Variants in BMPER observed in about 807,000 individuals in gnomAD.
BMPER encodes BMP-binding endothelial regulator protein.
Under a neutral mutation model 87.3 loss-of-function variants are expected in BMPER, and 45 were observed. That is an observed-to-expected ratio of 0.52 (90% CI 0.41 to 0.66). The LOEUF is 0.66. BMPER is among the 30% of genes least tolerant of loss of function. The pLI, the probability that BMPER is intolerant of heterozygous loss-of-function variation, is 0.00. For synonymous variants in BMPER, 326 were observed against 316.2 expected (o/e 1.03, Z -0.33); for missense variants, 784 against 867.5 (o/e 0.90, Z 1.21).
chr7:33,916,584 T>C (rs1784091298), intron 2 of BMPER, among the ~76,000 whole-genome samples: 1 of 152,262 alleles, frequency 6.6e-6, no homozygotes, highest in Admixed American at 6.5e-5. Context: ...ATGTGGGCCC[T>C]GCACATTCAT....
chr7:34,136,778 C>T (rs1290270235), intron 13 of BMPER, among the ~76,000 whole-genome samples: 1 of 152,216 alleles, frequency 6.6e-6, no homozygotes, highest in Non-Finnish European at 1.5e-5. Flanking sequence ...AGCTGAAGAC[C>T]CTTTGTGGTG....
chr7:33,974,561 A>G (rs775003740), intron 5 of BMPER, 141 bp from the exon 6 acceptor site: 27 of 843,870 alleles, frequency 3.2e-5, no homozygotes, highest in Non-Finnish European at 5.3e-5. Flanking sequence ...TCTTTTCACT[A>G]TGCAGCAATC....
intron 2 of BMPER, among the ~76,000 whole-genome samples, chr7:33,909,515 T>C (rs557124242): frequency 6.6e-6 from 1 of 151,974 alleles, no homozygotes; most frequent in South Asian, 2.1e-4. Context: ...GCAGGGAGCG[T>C]TAGTGGTTAG....
In BMPER at chr7:34,111,955, G is replaced by A. The variant is rs1019627961; in HGVS notation, c.1745+25863G>A. Among the ~76,000 whole-genome samples, 6 of 152,032 alleles carry A rather than the reference G, an allele frequency of 3.9e-5. No individual in the cohort carries two copies. In the East Asian group the frequency reaches 7.8e-4, roughly 20 times the overall value. On this transcript the variant is annotated intron_variant, in intron 13 of 14. Coordinates refer to ENST00000649409, the MANE Select transcript of BMPER (RefSeq NM_001365308.1). ...TCGAACTCCCGACCTCAGGTGATCC[G>A]CCTGCCTCGGCCTCCCAAAGTGCTG...
At position 33,909,783 on chromosome 7, in the gene BMPER, A is replaced by G. The variant is rs368621085; in HGVS notation, c.219+2880A>G. 7.2e-5 allele frequency among the ~76,000 whole-genome samples: 11 copies of G among 152,300 alleles called. No homozygotes were observed. The South Asian group carries it at 1.5e-3, about 20-fold the overall frequency. On this transcript the variant is annotated intron_variant, in intron 2 of 14. Transcript: ENST00000649409. ...AAATAGGTGGCACAAAGTCCTGTAT[A>G]TAATTACAGAGTAAAAGCTTAAAAA...
intron 6 of BMPER, among the ~76,000 whole-genome samples, chr7:34,018,687 C>T (rs775432234): frequency 5.9e-5 from 9 of 151,856 alleles, no homozygotes; most frequent in Non-Finnish European, 8.8e-5. Flanking sequence ...GACTTTATCA[C>T]GAATAATTCC....
At chr7:33,963,624 T>A (rs1785327962) in intron 3 of BMPER, among the ~76,000 whole-genome samples, 3 of 152,034 alleles carry the variant, frequency 2.0e-5, no homozygotes, top group Admixed American at 2.0e-4. Flanking sequence ...TGAAACCCTG[T>A]CTCTACTAAA....
At chr7:33,934,507 T>A (rs1398025057) in intron 2 of BMPER, among the ~76,000 whole-genome samples, 2 of 146,372 alleles carry the variant, frequency 1.4e-5, no homozygotes, top group Non-Finnish European at 3.0e-5. Flanking sequence ...GTTTGTTCTA[T>A]GTGTGTGTAC....
intron 13 of BMPER, among the ~76,000 whole-genome samples, chr7:34,101,595 G>A (rs1789683766): frequency 6.6e-6 from 1 of 152,216 alleles, no homozygotes; most frequent in South Asian, 2.1e-4. Flanking sequence ...GCCACAAGAG[G>A]CCAGTGAAAG....
At chr7:34,083,813 C>T (rs151161859) in intron 12 of BMPER, among the ~76,000 whole-genome samples, 1 of 152,100 alleles carries the variant, frequency 6.6e-6, no homozygotes, top group South Asian at 2.1e-4. Context: ...CCCTCCCACA[C>T]TCCCTCCCAC....
At chr7:34,114,012 T>C (rs150943243) in intron 13 of BMPER, among the ~76,000 whole-genome samples, 2 of 152,308 alleles carry the variant, frequency 1.3e-5, no homozygotes, top group African/African-American at 4.8e-5. Flanking sequence ...ATTGACACAA[T>C]TGGTATTGTT....
chr7:33,961,331 C>G (rs1313903938), intron 3 of BMPER, among the ~76,000 whole-genome samples: 1 of 152,184 alleles, frequency 6.6e-6, no homozygotes, highest in Non-Finnish European at 1.5e-5. Context: ...TTTGGAAACT[C>G]TGATCCAATT....
chr7:33,970,936 TC>T (rs1785528850), intron 5 of BMPER, among the ~76,000 whole-genome samples: 1 of 152,124 alleles, frequency 6.6e-6, no homozygotes, highest in African/African-American at 2.4e-5. Context: ...AAAGGATCTT[TC>T]CTTTGCAGCG....
intron 13 of BMPER, among the ~76,000 whole-genome samples, chr7:34,110,037 T>C (rs1369215025): frequency 6.6e-6 from 1 of 152,062 alleles, no homozygotes; most frequent in Non-Finnish European, 1.5e-5. Context: ...TCCTAGAAAG[T>C]TTTCAAATGA....
intron 6 of BMPER, among the ~76,000 whole-genome samples, chr7:34,007,552 A>G (rs545458901): frequency 1.3e-5 from 2 of 152,008 alleles, no homozygotes; most frequent in South Asian, 4.1e-4. Flanking sequence ...GTAGTATTCT[A>G]TATGTTCTGT....
intron 11 of BMPER, among the ~76,000 whole-genome samples, chr7:34,070,654 C>T (rs1157174787): frequency 6.6e-6 from 1 of 151,992 alleles, no homozygotes; most frequent in Non-Finnish European, 1.5e-5. Flanking sequence ...GTAATATTTT[C>T]AAAACAAGGT....
intron 3 of BMPER, among the ~76,000 whole-genome samples, chr7:33,949,787 G>C (rs1352245113): frequency 6.6e-6 from 1 of 151,974 alleles, no homozygotes; most frequent in African/African-American, 2.4e-5. Context: ...AAAAAAACAA[G>C]ACAAAAAAAC....
At chr7:34,119,068 C>T (rs1041081771) in intron 13 of BMPER, among the ~76,000 whole-genome samples, 12 of 134,922 alleles carry the variant, frequency 8.9e-5, no homozygotes, top group Non-Finnish European at 1.6e-4. Flanking sequence ...TATACATGCA[C>T]GCTATTGGTT....
upstream of BMPER, chr7:33,905,399 A>C: frequency 5.0e-6 from 2 of 396,778 alleles, no homozygotes; most frequent in Non-Finnish European, 9.1e-6. Flanking sequence ...GCCTGGCCGC[A>C]GGACCCCTCC....
Sources: gnomAD v4.1 joint callset for allele counts (sites outside exome capture counted in the v4.1 genomes callset) on GRCh38, gnomAD v4.1.1 for gene constraint, MANE v1.5 for transcripts, NCBI Gene and HGNC (gene_info 2026-07-23, HGNC 2026-07-21) for gene names.